The following LRP2 variants were observed in gnomAD, a reference collection of about 807,000 sequenced individuals.
The protein encoded by LRP2 is LDL receptor related protein 2.
Under a neutral mutation model 531.0 loss-of-function variants are expected in LRP2, and 172 were observed. The ratio of observed to expected loss-of-function variants is 0.32; its 90% CI spans 0.29 to 0.37. The LOEUF (loss-of-function observed/expected upper bound fraction) is 0.37, where lower values mean the gene tolerates loss of function less well. LRP2 is among the 10% of genes least tolerant of loss of function. LRP2 has a pLI of 1.00. For missense variants in LRP2, 5,167 were observed against 5,868.3 expected (o/e 0.88, Z 3.90); for synonymous variants, 1,992 against 2,027.6 (o/e 0.98, Z 0.47).
At chr2:169,149,831 A>C (rs1686057644) in intron 68 of LRP2, among the ~76,000 whole-genome samples, 1 of 151,908 alleles carries the variant, frequency 6.6e-6, no homozygotes, top group Admixed American at 6.6e-5. Context: ...GCAACACTCC[A>C]TCTCCAAAAA....
chr2:169,275,190 T>A lies in LRP2; in HGVS notation c.1821A>T (p.Val607=), dbSNP rs769951278. Residue 607 remains valine (V), a synonymous_variant, in exon 14 of 79, where the codon GTA becomes GTT. Coordinates refer to ENST00000649046, the MANE Select transcript of LRP2 (RefSeq NM_004525.3). Reference sequence around the variant, plus strand: ...AGAACACCTGACCTTCAAATAAGCTTACTCCAAAGGGATGAGGAATGAGGG... The same window carrying A: ...AGAACACCTGACCTTCAAATAAGCTAACTCCAAAGGGATGAGGAATGAGGG... The part of the protein sequence containing the change: ...GGSLIPHPFG[V]SLFEGQVFFT... The A allele has an allele frequency of 1.9e-6, 3 of 1,613,816 alleles. 1 individual carries two copies. The South Asian group carries it at 3.3e-5, about 18-fold the overall frequency.
At chr2:169,285,155 A>T (rs1404609481) in intron 9 of LRP2, among the ~76,000 whole-genome samples, 129 of 41,450 alleles carry the variant, frequency 3.1e-3, no homozygotes, top group Non-Finnish European at 4.2e-3. Flanking sequence ...CTAAGAATTA[A>T]AAAAAAAAAA....
chr2:169,283,953 C>T (rs1002461066), intron 9 of LRP2, among the ~76,000 whole-genome samples: 2 of 152,056 alleles, frequency 1.3e-5, no homozygotes, highest in African/African-American at 4.8e-5. Flanking sequence ...TCTGACTTTC[C>T]AAGTCCACGT....
At position 169,182,413 on chromosome 2, in the gene LRP2, C is replaced by T. The variant is rs998651688; in HGVS notation, c.9846-94G>A. ...TTTCCTACCCAAGCTACCTGAGAAT[C>T]ACAGACAGTTGTTAGAAGTCACCTT... On this transcript the variant is annotated intron_variant, in intron 50 of 78. Transcript: ENST00000649046. 14 of 1,595,942 alleles carry T rather than the reference C, an allele frequency of 8.8e-6. No individual in the cohort carries two copies. The African/African-American group carries it at 1.9e-4, about 21-fold the overall frequency.
intron 12 of LRP2, among the ~76,000 whole-genome samples, chr2:169,278,850 G>A (rs1167503116): frequency 1.3e-5 from 2 of 152,138 alleles, no homozygotes; most frequent in African/African-American, 2.4e-5. Context: ...AAGCATTATC[G>A]GTGTTGCTGG....
At chr2:169,131,106 T>C (rs1267479997) in intron 77 of LRP2, among the ~76,000 whole-genome samples, 2 of 152,314 alleles carry the variant, frequency 1.3e-5, no homozygotes, top group South Asian at 2.1e-4. Context: ...ACCAAATATA[T>C]GACATTCAAG....
chr2:169,244,116 T>C (rs912594340), intron 22 of LRP2, among the ~76,000 whole-genome samples: 1 of 152,204 alleles, frequency 6.6e-6, no homozygotes, highest in Non-Finnish European at 1.5e-5. Context: ...TTCCAAATGA[T>C]AGTGACTTGC....
At chr2:169,247,106 T>C in intron 20 of LRP2, 120 bp from the exon 21 acceptor site, 7 of 1,208,580 alleles carry the variant, frequency 5.8e-6, no homozygotes, top group Non-Finnish European at 8.2e-6. Context: ...TACTAAAAAG[T>C]AGCTTCCTCT....
At chr2:169,284,256 C>CTCTTT (rs1553508684) in intron 9 of LRP2, among the ~76,000 whole-genome samples, 1,179 of 96,662 alleles carry the variant, frequency 0.012, 201 homozygotes, top group Middle Eastern at 0.03. Context: ...TCTTTTTTTT[C>CTCTTT]TTTTTTTTTT....
intron 1 of LRP2, among the ~76,000 whole-genome samples, chr2:169,344,910 T>C (rs1281922535): frequency 6.6e-6 from 1 of 152,148 alleles, no homozygotes; most frequent in Non-Finnish European, 1.5e-5. Flanking sequence ...GGCTTATGAT[T>C]AAGAGCAAGA....
chr2:169,359,027 T>C (rs980988774), intron 1 of LRP2, among the ~76,000 whole-genome samples: 1 of 151,268 alleles, frequency 6.6e-6, no homozygotes, highest in African/African-American at 2.4e-5. Flanking sequence ...GAAATGGAAA[T>C]AGGAATAGGA....
At chr2:169,174,813 T>TTTC (rs1687128294) in intron 55 of LRP2, among the ~76,000 whole-genome samples, 1 of 150,856 alleles carries the variant, frequency 6.6e-6, no homozygotes, top group Non-Finnish European at 1.5e-5. Flanking sequence ...CTCAGTCTTT[T>TTTC]TTTTTTTTTT....
At chr2:169,213,372 CA>C (rs1193938476) in intron 36 of LRP2, among the ~76,000 whole-genome samples, 1 of 152,082 alleles carries the variant, frequency 6.6e-6, no homozygotes, top group East Asian at 1.9e-4. Context: ...CAATAGAAAA[CA>C]GGGAGTTCTA....
chr2:169,174,012 G>A lies in LRP2; in HGVS notation c.10921C>T (p.Arg3641Trp), dbSNP rs373064113. ...ASRTCRPGQF[R>W]CANGRCIPQA... ...GGGATGCAGCGGCCATTAGCACACC[G>A]AAACTGGCCCGGCCGGCAGGTCCTG... The change falls in exon 56 of 79, where the codon CGG (arginine) becomes TGG (tryptophan). Residue 3641 changes from arginine (R) to tryptophan (W), a missense_variant. Transcript: ENST00000649046. The A allele has an allele frequency of 2.4e-5, 39 of 1,614,044 alleles. No individual in the cohort carries two copies. The highest frequency in any genetic ancestry group is 3.3e-5 in the Admixed American group (2 of 60,000).
chr2:169,338,387 A>AGAAAGAAAGAAG, intron 1 of LRP2, among the ~76,000 whole-genome samples: 2 of 129,226 alleles, frequency 1.5e-5, no homozygotes, highest in Non-Finnish European at 3.3e-5. Flanking sequence ...AAAGAAAGAA[A>AGAAAGAAAGAAG]GAAAGAAAGA....
chr2:169,160,695 A>AAAAAAAAAAAAAAAAAAAAAAAC (rs1686552068), intron 63 of LRP2, among the ~76,000 whole-genome samples: 1 of 151,624 alleles, frequency 6.6e-6, no homozygotes, highest in Non-Finnish European at 1.5e-5. Context: ...AAAAAAAAAA[A>AAAAAAAAAAAAAAAAAAAAAAAC]CCTGCTACTA....
rs573790702 is a variant in LRP2, at chr2:169,181,523, T to C, written c.10094A>G (p.Glu3365Gly). The change falls in exon 52 of 79, where the codon GAG becomes GGG. Residue 3365 changes from glutamate to glycine, a missense_variant. By Grantham distance (98) the Glu-to-Gly change is moderately conservative. This residue lies in a region of LRP2 where 1,129 missense variants were observed against 1,362.7 expected (regional missense o/e 0.83). Transcript: ENST00000649046. ...ATCAATGGTGATGCCATTAGGCCAC[T>C]CTAACTTGGTGGAGATTATCACAGA... ...NKSVIISTKL[E>G]WPNGITIDYT... 4 of 1,614,212 alleles carry C rather than the reference T, an allele frequency of 2.5e-6. No individual in the cohort carries two copies. In the African/African-American group the frequency reaches 4.0e-5, roughly 16 times the overall value.
chr2:169,225,871 G>A (rs1178780319), intron 32 of LRP2, among the ~76,000 whole-genome samples: 2 of 152,158 alleles, frequency 1.3e-5, no homozygotes, highest in Non-Finnish European at 2.9e-5. Context: ...CCTGAAGGCT[G>A]AAGAAAATGA....
intron 46 of LRP2, among the ~76,000 whole-genome samples, chr2:169,196,488 G>A (rs1024063479): frequency 6.6e-6 from 1 of 152,196 alleles, no homozygotes; most frequent in Non-Finnish European, 1.5e-5. Flanking sequence ...GGCACAGAGA[G>A]AGAACAGGAA....
Sources: allele counts gnomAD v4.1 joint callset (sites outside exome capture counted in the v4.1 genomes callset), GRCh38; gene constraint gnomAD v4.1.1; regional missense constraint gnomAD v4.1.1; transcripts MANE v1.5; gene names NCBI Gene and HGNC (gene_info 2026-07-23, HGNC 2026-07-21).